Variants in TNIK observed in about 807,000 individuals in gnomAD.
TNIK encodes TRAF2 and NCK-interacting protein kinase.
A neutral mutation model predicts 191.3 loss-of-function variants in TNIK; 49 were observed. The ratio of observed to expected loss-of-function variants is 0.26; its 90% CI spans 0.20 to 0.32. The LOEUF is 0.32. TNIK is among the 10% of genes least tolerant of loss of function. The probability of loss-of-function intolerance (pLI) is 1.00; values close to 1 mark genes in which losing one functional copy is unlikely to be tolerated. For synonymous variants in TNIK, 594 were observed against 600.9 expected, an observed-to-expected ratio of 0.99 and a Z score of 0.17; for missense variants, 1,155 against 1,702.3, an observed-to-expected ratio of 0.68 and a Z score of 5.66.
At chr3:171,384,007 C>T (rs1048399726) in intron 1 of TNIK, among the ~76,000 whole-genome samples, 2 of 152,210 alleles carry the variant, frequency 1.3e-5, no homozygotes, top group Non-Finnish European at 2.9e-5. Flanking sequence ...CAGCCTCCAG[C>T]TCACCATTCC....
rs376245861 is a variant in TNIK at position 171,187,047 on chromosome 3, TAA to T, written c.639+1653_639+1654del. Among the ~76,000 whole-genome samples the T allele has an allele frequency of 2.5e-3, 386 of 152,296 alleles. 1 individual carries two copies. Among genetic ancestry groups the T allele is most frequent in the African/African-American group, 9.0e-3 (375 of 41,568 alleles). On this transcript the variant is annotated intron_variant, in intron 7 of 32. Transcript: ENST00000436636. ...ATATAGTGCAGTCAGTCACAATACTTAAAAGATTAAGCTGAGGTTGTAAGAGC... is the reference window on the plus strand; with the variant it reads ...ATATAGTGCAGTCAGTCACAATACTTAAGATTAAGCTGAGGTTGTAAGAGC...
chr3:171,305,320 A>T (rs1314912633), intron 2 of TNIK, among the ~76,000 whole-genome samples: 2 of 152,094 alleles, frequency 1.3e-5, no homozygotes, highest in African/African-American at 2.4e-5. Flanking sequence ...AAAATATTTC[A>T]TCTGGGCCAA....
chr3:171,364,366 A>T (rs916171139), intron 2 of TNIK, among the ~76,000 whole-genome samples: 1 of 143,960 alleles, frequency 6.9e-6, no homozygotes, highest in African/African-American at 2.6e-5. Flanking sequence ...TCCCATTATA[A>T]AAAAAAAAAA....
intron 2 of TNIK, among the ~76,000 whole-genome samples, chr3:171,251,582 C>A (rs980370046): frequency 6.6e-6 from 1 of 152,194 alleles, no homozygotes; most frequent in South Asian, 2.1e-4. Flanking sequence ...AACTTAGACC[C>A]ACAGACTATG....
At chr3:171,457,228 G>C (rs1290364652) in intron 1 of TNIK, among the ~76,000 whole-genome samples, 2 of 152,266 alleles carry the variant, frequency 1.3e-5, no homozygotes, top group South Asian at 4.1e-4. Context: ...TGGTTGCTCT[G>C]GTTTAAATTA....
Position 171,123,661 on chromosome 3 carries a change from T to C in TNIK, c.2055A>G (p.Arg685=). The change falls in exon 18 of 33, where the codon AGA becomes AGG. Residue 685 remains arginine (R), a synonymous_variant. Coordinates refer to ENST00000436636, the MANE Select transcript of TNIK (RefSeq NM_015028.4). ...RTTSISPALA[R]KNSPGNGSAL... The stretch of plus-strand genomic sequence containing the variant: ...CACTACCATTCCCAGGAGAATTCTT[T>C]CTGGCTAATGCTGGGGATATAGAAG... The C allele has an allele frequency of 1.9e-6, 3 of 1,578,134 alleles. No individual in the cohort carries two copies. The highest frequency in any genetic ancestry group is 2.6e-6 in the Non-Finnish European group (3 of 1,159,796).
At chr3:171,174,513 G>C (rs6798337) in intron 9 of TNIK, among the ~76,000 whole-genome samples, 12,941 of 152,190 alleles carry the variant, frequency 0.085, 841 homozygotes, top group African/African-American at 0.18. Flanking sequence ...TAATAAGATA[G>C]GAAGATCCCA....
intron 1 of TNIK, among the ~76,000 whole-genome samples, chr3:171,384,025 T>C (rs558952219): frequency 1.3e-5 from 2 of 152,332 alleles, no homozygotes; most frequent in East Asian, 3.9e-4. Flanking sequence ...TCCCAGAAGA[T>C]GTTCTGTACA....
At chr3:171,430,341 G>A (rs995277414) in intron 1 of TNIK, among the ~76,000 whole-genome samples, 81 of 152,056 alleles carry the variant, frequency 5.3e-4, no homozygotes, top group African/African-American at 1.6e-3. Context: ...GTTTTTTAAC[G>A]TGAACCAAGA....
chr3:171,290,927 C>T (rs975141910), intron 2 of TNIK, among the ~76,000 whole-genome samples: 6 of 152,124 alleles, frequency 3.9e-5, no homozygotes, highest in African/African-American at 7.2e-5. Flanking sequence ...AAATGATCAA[C>T]GATCTTAGTA....
intron 28 of TNIK, among the ~76,000 whole-genome samples, chr3:171,078,437 A>T (rs1418029338): frequency 1.3e-5 from 2 of 151,896 alleles, no homozygotes; most frequent in African/African-American, 4.8e-5. Flanking sequence ...TTAGTTTGCA[A>T]AATTTTTTCT....
intron 1 of TNIK, among the ~76,000 whole-genome samples, chr3:171,396,535 C>A (rs1267420510): frequency 2.6e-5 from 4 of 152,174 alleles, no homozygotes. Context: ...AACTCACCAG[C>A]TTTTATACTG....
intron 2 of TNIK, among the ~76,000 whole-genome samples, chr3:171,349,798 C>A (rs541809155): frequency 6.6e-6 from 1 of 152,284 alleles, no homozygotes; most frequent in South Asian, 2.1e-4. Context: ...CTAGTTACAC[C>A]GAGCATACAT....
intron 30 of TNIK, 112 bp from the exon 31 acceptor site, chr3:171,066,847 A>G (rs1718503022): frequency 3.1e-6 from 4 of 1,309,746 alleles, no homozygotes; most frequent in Non-Finnish European, 3.1e-6. Context: ...TTGTCACCCT[A>G]AAGACTGAAA....
At position 171,128,679 on chromosome 3, in the gene TNIK, A is replaced by T. The variant is rs765682381; in HGVS notation, c.1773+35T>A. 3 of 1,580,196 alleles carry T rather than the reference A, an allele frequency of 1.9e-6. No individual in the cohort carries two copies. The African/African-American group carries it at 4.1e-5, about 21-fold the overall frequency. On this transcript the variant is annotated intron_variant, in intron 16 of 32. Coordinates refer to ENST00000436636, the MANE Select transcript of TNIK (RefSeq NM_015028.4). ...AATAATAGGTTTTCTTGTGCAACTT[A>T]TTGGAATGCCTGATGGAATGGAGGC...
rs528429569 is a variant in TNIK, at chr3:171,459,813, C to T, written c.57+194G>A. Reference sequence around the variant, plus strand: ...GCCACGGCCAGAGGAAGACACGTACCGCACAGCCCCTGCCGTAGGGGCTCA... The same window carrying T: ...GCCACGGCCAGAGGAAGACACGTACTGCACAGCCCCTGCCGTAGGGGCTCA... On this transcript the variant is annotated intron_variant, in intron 1 of 32. Coordinates refer to ENST00000436636, the MANE Select transcript of TNIK (RefSeq NM_015028.4). Among the ~76,000 whole-genome samples, 59 of 152,160 alleles carry T rather than the reference C, an allele frequency of 3.9e-4. No homozygotes were observed. The East Asian group carries it at 8.1e-3, about 21-fold the overall frequency.
rs2173610 is a variant in TNIK, at chr3:171,074,830, A to T, written c.3449-3507T>A. ...TAGGGGAAGCTAAGTGGAAACTACA[A>T]GTGGTTCTTTGGATAACTAAGGCAA... On this transcript the variant is annotated intron_variant, in intron 28 of 32. Coordinates refer to ENST00000436636, the MANE Select transcript of TNIK (RefSeq NM_015028.4). Among the ~76,000 whole-genome samples the T allele has an allele frequency of 1.9e-3, 296 of 152,318 alleles. 8 individuals carry two copies. In the East Asian group the frequency reaches 0.05, roughly 26 times the overall value.
chr3:171,172,983 G>T (rs1735502090), intron 9 of TNIK, among the ~76,000 whole-genome samples: 1 of 152,116 alleles, frequency 6.6e-6, no homozygotes, highest in Admixed American at 6.5e-5. Flanking sequence ...TCTTTTTTGG[G>T]TCTCAGTCGG....
chr3:171,128,710 G>A lies in TNIK; in HGVS notation c.1773+4C>T, dbSNP rs1314703518. 6.2e-7 allele frequency: 1 copy of A among 1,609,750 alleles called. No individual in the cohort carries two copies. Among genetic ancestry groups the A allele is most frequent in the African/African-American group, 1.3e-5 (1 of 74,778 alleles). On this transcript the variant is annotated splice_donor_region_variant and intron_variant, in intron 16 of 32. Coordinates refer to ENST00000436636, the MANE Select transcript of TNIK (RefSeq NM_015028.4). ...ATGCCTGATGGAATGGAGGCAGACT[G>A]TACCTGGGGATCGACTGGTCTGAGC...
Sources: gnomAD v4.1 joint callset for allele counts (sites outside exome capture counted in the v4.1 genomes callset) on GRCh38, gnomAD v4.1.1 for gene constraint, MANE v1.5 for transcripts, NCBI Gene and HGNC (gene_info 2026-07-23, HGNC 2026-07-21) for gene names.